Variants in NTM observed in about 807,000 individuals in gnomAD.
The protein encoded by NTM is IgLON family member 2.
In NTM, 13 loss-of-function variants were observed where a neutral mutation model predicts 42.1. That is an observed-to-expected ratio of 0.31 (90% CI 0.20 to 0.49). The LOEUF (loss-of-function observed/expected upper bound fraction) is 0.49. NTM is among the 20% of genes least tolerant of loss of function. NTM has a pLI of 0.99. For synonymous variants in NTM, 187 were observed against 179.2 expected (o/e 1.04, Z -0.35); for missense variants, 373 against 452.8 (o/e 0.82, Z 1.60).
intron 1 of NTM, among the ~76,000 whole-genome samples, chr11:131,466,925 C>T (rs1356845127): frequency 6.6e-6 from 1 of 152,146 alleles, no homozygotes; most frequent in Admixed American, 6.5e-5. Context: ...AAATTACTGG[C>T]CTGCTTTCCA....
At chr11:131,610,587 AG>A (rs1263283764) in intron 1 of NTM, among the ~76,000 whole-genome samples, 3 of 152,194 alleles carry the variant, frequency 2.0e-5, no homozygotes, top group Non-Finnish European at 4.4e-5. Flanking sequence ...GGGGCCAAGG[AG>A]CAGAGTAGAT....
intron 1 of NTM, among the ~76,000 whole-genome samples, chr11:131,798,501 A>G (rs1453247698): frequency 6.6e-6 from 1 of 152,188 alleles, no homozygotes; most frequent in Non-Finnish European, 1.5e-5. Flanking sequence ...CAGTTGTTCC[A>G]CCTATCTATC....
At chr11:131,681,160 CA>C (rs2072679005) in intron 1 of NTM, among the ~76,000 whole-genome samples, 1 of 40,206 alleles carries the variant, frequency 2.5e-5, no homozygotes. Flanking sequence ...TGTGTGTGAG[CA>C]TGTGTGTTTC....
intron 1 of NTM, among the ~76,000 whole-genome samples, chr11:131,714,182 T>TTTTATTTA (rs527530470): frequency 3.3e-5 from 5 of 151,786 alleles, no homozygotes; most frequent in Admixed American, 6.6e-5. Flanking sequence ...AGCTTCAGAT[T>TTTTATTTA]TTTATTTATT....
chr11:131,805,663 T>C (rs2092440981), intron 1 of NTM, among the ~76,000 whole-genome samples: 1 of 152,258 alleles, frequency 6.6e-6, no homozygotes, highest in Admixed American at 6.5e-5. Context: ...ATTCATGTTC[T>C]TTCTTCTTTA....
At chr11:131,818,279 A>T (rs753838358) in intron 1 of NTM, among the ~76,000 whole-genome samples, 1 of 152,096 alleles carries the variant, frequency 6.6e-6, no homozygotes, top group Admixed American at 6.5e-5. Context: ...ACTCGCTCCC[A>T]TTGACTTTGG....
chr11:132,268,646 TG>T (rs2093329066), intron 4 of NTM, among the ~76,000 whole-genome samples: 1 of 141,890 alleles, frequency 7.0e-6, no homozygotes, highest in South Asian at 2.4e-4. Context: ...TGTGTGTTTG[TG>T]GTGTGGGGTC....
intron 4 of NTM, among the ~76,000 whole-genome samples, chr11:132,221,605 G>A (rs1566509018): frequency 1.3e-5 from 2 of 152,120 alleles, no homozygotes; most frequent in Non-Finnish European, 2.9e-5. Context: ...CTTACTGAAC[G>A]ACAGCTGTAA....
chr11:132,305,680 G>A (rs2095052013), intron 4 of NTM, among the ~76,000 whole-genome samples: 1 of 152,176 alleles, frequency 6.6e-6, no homozygotes, highest in African/African-American at 2.4e-5. Context: ...GACAACACAA[G>A]AGGAATTACA....
chr11:131,797,796 A>G (rs1256482062), intron 1 of NTM, among the ~76,000 whole-genome samples: 1 of 152,202 alleles, frequency 6.6e-6, no homozygotes, highest in Non-Finnish European at 1.5e-5. Context: ...ATATTAAGTA[A>G]TTATTGGCAA....
intron 2 of NTM, among the ~76,000 whole-genome samples, chr11:132,128,374 G>C (rs1280171541): frequency 2.0e-5 from 3 of 152,038 alleles, no homozygotes; most frequent in Admixed American, 6.6e-5. Flanking sequence ...CTCAACTGTT[G>C]CTAGTCCTGT....
At chr11:131,425,671 T>C (rs1382024483) in intron 1 of NTM, among the ~76,000 whole-genome samples, 2 of 152,126 alleles carry the variant, frequency 1.3e-5, no homozygotes, top group Non-Finnish European at 2.9e-5. Flanking sequence ...ACTTAGGAGA[T>C]TTTGAAGCCT....
chr11:131,488,761 A>T (rs1446206399), intron 1 of NTM, among the ~76,000 whole-genome samples: 1 of 152,174 alleles, frequency 6.6e-6, no homozygotes, highest in Non-Finnish European at 1.5e-5. Context: ...CCAAAATCCA[A>T]TAATCTGTAT....
intron 3 of NTM, among the ~76,000 whole-genome samples, chr11:132,197,612 G>T (rs2080462202): frequency 2.0e-5 from 3 of 150,670 alleles, no homozygotes; most frequent in South Asian, 2.1e-4. Flanking sequence ...ACTCGTCATT[G>T]ACATTAGGTA....
chr11:131,685,373 G>T (rs2073716397), intron 1 of NTM, among the ~76,000 whole-genome samples: 1 of 146,806 alleles, frequency 6.8e-6, no homozygotes, highest in Non-Finnish European at 1.5e-5. Context: ...GAGTCGGGCA[G>T]GCAGGCTGAC....
chr11:132,051,206 C>T (rs11222889), intron 2 of NTM, among the ~76,000 whole-genome samples: 1 of 152,032 alleles, frequency 6.6e-6, no homozygotes, highest in Non-Finnish European at 1.5e-5. Context: ...TAACATATGA[C>T]GATGATTTTT....
chr11:132,117,718 G>T (rs1825371415), intron 2 of NTM, among the ~76,000 whole-genome samples: 2 of 152,044 alleles, frequency 1.3e-5, no homozygotes, highest in African/African-American at 4.8e-5. Flanking sequence ...GTTTATTTGG[G>T]GTTTTGTTTG....
chr11:131,738,717 A>G (rs2135556189), intron 1 of NTM, among the ~76,000 whole-genome samples: 1 of 152,284 alleles, frequency 6.6e-6, no homozygotes, highest in Admixed American at 6.5e-5. Flanking sequence ...CCAATAAGCC[A>G]TGAATTACTC....
chr11:131,933,485 A>G (rs600097), intron 2 of NTM, among the ~76,000 whole-genome samples: 51,266 of 152,094 alleles, frequency 0.34, 10,401 homozygotes, highest in East Asian at 0.7. Flanking sequence ...GGTTAAAGGT[A>G]CGAAACGCAC....
Sources: allele counts gnomAD v4.1 joint callset (sites outside exome capture counted in the v4.1 genomes callset), GRCh38; gene constraint gnomAD v4.1.1; transcripts MANE v1.5; gene names NCBI Gene and HGNC (gene_info 2026-07-23, HGNC 2026-07-21).